Variants in SLIT2 observed in about 807,000 individuals in gnomAD.
SLIT2 encodes slit guidance ligand 2.
In SLIT2, 41 loss-of-function variants were observed where a neutral mutation model predicts 185.7. The observed-to-expected ratio is 0.22, with a 90% CI of 0.17 to 0.29. SLIT2 has a LOEUF of 0.29. Among genes scored for constraint, SLIT2 ranks in the 10% least tolerant of loss-of-function variants. The probability of loss-of-function intolerance (pLI) is 1.00; values close to 1 mark genes in which losing one functional copy is unlikely to be tolerated. For synonymous variants in SLIT2, 693 were observed against 680.2 expected, an observed-to-expected ratio of 1.02 and a Z score of -0.29; for missense variants, 1,571 against 1,909.0, an observed-to-expected ratio of 0.82 and a Z score of 3.30.
Position 20,539,477 on chromosome 4 carries a change from T to A in SLIT2, c.1869T>A (p.Asn623Lys). 1.2e-6 allele frequency: 2 copies of A among 1,613,802 alleles called. No homozygotes were observed. Among genetic ancestry groups the A allele is most frequent in the Non-Finnish European group, 1.7e-6 (2 of 1,179,856 alleles). ...GCAATCGAATAACCTGTGTGGGGAA[T>A]GACAGTTTCATAGGACTCAGTTCTG... The part of the protein sequence containing the change: ...LRSNRITCVG[N>K]DSFIGLSSVR... Residue 623 changes from asparagine (N) to lysine (K), a missense_variant, in exon 19 of 37, where the codon AAT (asparagine) becomes AAA (lysine). Around this residue, in one of 3 missense-constraint regions of SLIT2, gnomAD observed 1,202 missense variants for 1,416.4 expected, o/e 0.85. Coordinates refer to ENST00000504154, the MANE Select transcript of SLIT2 (RefSeq NM_004787.4).
chr4:20,372,310 T>A (rs1723652856), intron 4 of SLIT2, among the ~76,000 whole-genome samples: 1 of 152,128 alleles, frequency 6.6e-6, no homozygotes, highest in African/African-American at 2.4e-5. Context: ...ACTAGTTTTG[T>A]CTGCTTTGTG....
At chr4:20,494,710 A>G (rs1718073400) in intron 9 of SLIT2, among the ~76,000 whole-genome samples, 1 of 151,760 alleles carries the variant, frequency 6.6e-6, no homozygotes, top group Non-Finnish European at 1.5e-5. Flanking sequence ...ACCCGGGGAC[A>G]ATGCTTGTAG....
At chr4:20,514,622 G>GC (rs1720038059) in intron 11 of SLIT2, among the ~76,000 whole-genome samples, 1 of 152,044 alleles carries the variant, frequency 6.6e-6, no homozygotes. Flanking sequence ...TCCAGCCTGG[G>GC]CAACCAAGTG....
intron 25 of SLIT2, among the ~76,000 whole-genome samples, chr4:20,553,304 C>T (rs1723941511): frequency 6.6e-6 from 1 of 152,188 alleles, no homozygotes. Context: ...CTTGTAAATA[C>T]TTCTCCTACA....
At chr4:20,277,726 GAAAGAT>G (rs1157594163) in intron 4 of SLIT2, among the ~76,000 whole-genome samples, 1 of 146,274 alleles carries the variant, frequency 6.8e-6, no homozygotes, top group Non-Finnish European at 1.5e-5. Context: ...ACATCATGAT[GAAAGAT>G]TTTCATCATG....
intron 4 of SLIT2, among the ~76,000 whole-genome samples, chr4:20,332,785 A>C (rs1720182335): frequency 6.6e-6 from 1 of 152,136 alleles, no homozygotes; most frequent in South Asian, 2.1e-4. Flanking sequence ...GAGATCTGAA[A>C]AAGTTGATTT....
At chr4:20,278,437 T>TA (rs1427993534) in intron 4 of SLIT2, among the ~76,000 whole-genome samples, 2 of 152,202 alleles carry the variant, frequency 1.3e-5, no homozygotes, top group East Asian at 3.9e-4. Context: ...ATGCTCTACT[T>TA]ACTTCTATCA....
chr4:20,294,537 G>A (rs919878644), intron 4 of SLIT2, among the ~76,000 whole-genome samples: 2 of 152,034 alleles, frequency 1.3e-5, no homozygotes, highest in Admixed American at 6.6e-5. Flanking sequence ...TAAATTCTCC[G>A]GTTACACTTA....
At chr4:20,271,859 G>C (rs1347337795) in intron 4 of SLIT2, among the ~76,000 whole-genome samples, 1 of 152,044 alleles carries the variant, frequency 6.6e-6, no homozygotes, top group Non-Finnish European at 1.5e-5. Context: ...TTGAAAATAA[G>C]ATGCCAGGGG....
chr4:20,472,278 A>ATATC (rs1715196864), intron 5 of SLIT2, among the ~76,000 whole-genome samples: 1 of 32,864 alleles, frequency 3.0e-5, no homozygotes, highest in Non-Finnish European at 4.6e-5. Context: ...ATATATATCT[A>ATATC]TATATATAGA....
rs776011428 is a variant in SLIT2 at position 20,491,720 on chromosome 4, T to C, written c.776-41T>C. 3.8e-6 allele frequency: 6 copies of C among 1,576,580 alleles called. No homozygotes were observed. The Admixed American group carries it at 5.2e-5, about 14-fold the overall frequency. On this transcript the variant is annotated intron_variant, in intron 8 of 36. Coordinates refer to ENST00000504154, the MANE Select transcript of SLIT2 (RefSeq NM_004787.4). ...GTTTGTCTGTTTCACAATTATGATA[T>C]TCAGGAGGAAAAATATAATTCCTGT...
intron 4 of SLIT2, among the ~76,000 whole-genome samples, chr4:20,340,302 T>C (rs1720857022): frequency 6.6e-6 from 1 of 152,162 alleles, no homozygotes; most frequent in South Asian, 2.1e-4. Flanking sequence ...TTAATATTCT[T>C]CTAACCCTTG....
chr4:20,291,234 G>GA (rs1191773698), intron 4 of SLIT2, among the ~76,000 whole-genome samples: 1 of 151,842 alleles, frequency 6.6e-6, no homozygotes, highest in Non-Finnish European at 1.5e-5. Context: ...GTCGTTCCTG[G>GA]AAAAGCATTC....
At chr4:20,323,864 A>G (rs1719313484) in intron 4 of SLIT2, among the ~76,000 whole-genome samples, 1 of 152,152 alleles carries the variant, frequency 6.6e-6, no homozygotes. Flanking sequence ...AGTATATTGC[A>G]TATAGAATGT....
chr4:20,433,373 G>T (rs1470479651), intron 4 of SLIT2, among the ~76,000 whole-genome samples: 2 of 152,176 alleles, frequency 1.3e-5, no homozygotes, highest in Non-Finnish European at 2.9e-5. Context: ...ATAACATATT[G>T]TTAACATATG....
chr4:20,517,691 C>T (rs1560493880), intron 11 of SLIT2, among the ~76,000 whole-genome samples: 1 of 152,046 alleles, frequency 6.6e-6, no homozygotes, highest in East Asian at 1.9e-4. Context: ...ACTATAATAG[C>T]ACCCGGCTTT....
chr4:20,294,843 G>A (rs1352230379), intron 4 of SLIT2, among the ~76,000 whole-genome samples: 1 of 152,094 alleles, frequency 6.6e-6, no homozygotes, highest in Non-Finnish European at 1.5e-5. Context: ...AGCAACATGG[G>A]CAACCTGAAA....
intron 26 of SLIT2, among the ~76,000 whole-genome samples, chr4:20,565,585 C>G (rs1426078182): frequency 2.0e-5 from 3 of 151,866 alleles, no homozygotes; most frequent in Non-Finnish European, 4.4e-5. Flanking sequence ...TTCTATGGAG[C>G]TTACTTTACT....
intron 4 of SLIT2, among the ~76,000 whole-genome samples, chr4:20,379,314 A>G (rs558678420): frequency 6.6e-5 from 10 of 152,312 alleles, no homozygotes; most frequent in Non-Finnish European, 1.3e-4. Context: ...TAAAATTAAT[A>G]AAGATTATTA....
Sources: gnomAD v4.1 joint callset for allele counts (sites outside exome capture counted in the v4.1 genomes callset) on GRCh38, gnomAD v4.1.1 for gene constraint, gnomAD v4.1.1 regional missense constraint, MANE v1.5 for transcripts, NCBI Gene and HGNC (gene_info 2026-07-23, HGNC 2026-07-21) for gene names.